The following FAM107B variants were observed in gnomAD, a reference collection of about 807,000 sequenced individuals.
FAM107B encodes the protein protein FAM107B.
In FAM107B, 21 loss-of-function variants were observed where a neutral mutation model predicts 31.5. That is an observed-to-expected ratio of 0.67 (90% confidence interval 0.47 to 0.96). The LOEUF is 0.96. Among genes scored for constraint, FAM107B ranks in the 40% least tolerant of loss-of-function variants. The probability of loss-of-function intolerance (pLI) is 0.00; values close to 1 mark genes in which losing one functional copy is unlikely to be tolerated. For missense variants in FAM107B, 452 were observed against 377.1 expected (o/e 1.20, Z -1.64); for synonymous variants, 157 against 141.5 (o/e 1.11, Z -0.78).
intron 2 of FAM107B, among the ~76,000 whole-genome samples, chr10:14,649,700 T>C (rs1853852021): frequency 6.6e-6 from 1 of 152,214 alleles, no homozygotes; most frequent in African/African-American, 2.4e-5. Flanking sequence ...TGTATTAATT[T>C]ATGTCTTATG....
In FAM107B at chr10:14,577,814, T is replaced by C. The variant is rs371333364; in HGVS notation, c.470-47299A>G. Among the ~76,000 whole-genome samples the C allele has an allele frequency of 6.6e-5, 10 of 152,330 alleles. No homozygotes were observed. The East Asian group carries it at 1.7e-3, about 26-fold the overall frequency. On this transcript the variant is annotated intron_variant, in intron 2 of 4. Transcript: ENST00000181796. ...CAAAAGTATTTACTTATAATCTAGT[T>C]TTCTGTGCATTCTCTAATACTGAAG...
intron 1 of FAM107B, among the ~76,000 whole-genome samples, chr10:14,691,893 C>CAAAAAAA (rs58734762): frequency 1.4e-4 from 18 of 129,198 alleles, no homozygotes; most frequent in African/African-American, 4.5e-4. Context: ...GACTCTGTCA[C>CAAAAAAA]AAAAAAAAAA....
intron 1 of FAM107B, among the ~76,000 whole-genome samples, chr10:14,742,992 T>C (rs1442396769): frequency 1.3e-5 from 2 of 152,152 alleles, no homozygotes; most frequent in Non-Finnish European, 2.9e-5. Flanking sequence ...CTCTTTGAGT[T>C]CTCTCTTCTG....
At chr10:14,769,993 A>T (rs1283235572) in intron 1 of FAM107B, among the ~76,000 whole-genome samples, 1 of 152,158 alleles carries the variant, frequency 6.6e-6, no homozygotes, top group East Asian at 1.9e-4. Context: ...AAGCCCCTGT[A>T]TTCTAGTCTT....
At chr10:14,558,174 C>T (rs1849864236) in intron 2 of FAM107B, among the ~76,000 whole-genome samples, 1 of 144,814 alleles carries the variant, frequency 6.9e-6, no homozygotes, top group Non-Finnish European at 1.5e-5. Flanking sequence ...CCTGCCTCCC[C>T]ACCAGTGTGT....
chr10:14,691,173 T>A (rs1055108253), intron 1 of FAM107B, among the ~76,000 whole-genome samples: 1 of 152,102 alleles, frequency 6.6e-6, no homozygotes, highest in African/African-American at 2.4e-5. Flanking sequence ...AGTGCTGGGA[T>A]TACAGGCATG....
intron 2 of FAM107B, among the ~76,000 whole-genome samples, chr10:14,661,902 G>A (rs962345719): frequency 2.0e-5 from 3 of 152,184 alleles, no homozygotes; most frequent in African/African-American, 7.2e-5. Flanking sequence ...CTGACATGCA[G>A]TTCTCTCTGT....
Position 14,520,698 on chromosome 10 carries a change from A to G in FAM107B, c.*492T>C, listed in dbSNP as rs1037082307. ...GTGAAAGTATAAATTAAACAAGACA[A>G]TTCTGGGTCCTCAAAATTTACAGTG... is the stretch of plus-strand genomic sequence containing the variant. On this transcript the variant is annotated 3_prime_UTR_variant, in exon 5 of 5. Coordinates refer to ENST00000181796, the MANE Select transcript of FAM107B (RefSeq NM_031453.4). The G allele has an allele frequency of 2.0e-5, 3 of 152,512 alleles. No homozygotes were observed. Among genetic ancestry groups the G allele is most frequent in the African/African-American group, 7.2e-5 (3 of 41,480 alleles). The allele number at this position is 152,512 out of a possible 1,614,324, so 9.4% of individuals were successfully genotyped here. A position where few individuals can be genotyped will look rare whatever the true frequency, so the allele number is the denominator to read the frequency against.
chr10:14,629,446 T>TA (rs1853283812), intron 2 of FAM107B, among the ~76,000 whole-genome samples: 4 of 27,146 alleles, frequency 1.5e-4, no homozygotes, highest in African/African-American at 8.0e-4. Context: ...TATATATATA[T>TA]TATATATATA....
At chr10:14,652,284 A>G (rs1007559852) in intron 2 of FAM107B, among the ~76,000 whole-genome samples, 21 of 152,240 alleles carry the variant, frequency 1.4e-4, no homozygotes, top group African/African-American at 4.1e-4. Flanking sequence ...CAGGAGGGTT[A>G]GGCTTTCTAA....
intron 1 of FAM107B, among the ~76,000 whole-genome samples, chr10:14,689,742 T>C (rs1855081919): frequency 6.6e-6 from 1 of 152,034 alleles, no homozygotes; most frequent in African/African-American, 2.4e-5. Context: ...AGGAGGATCA[T>C]GTAAGCCCAG....
At chr10:14,526,139 T>C (rs1196009874) in intron 3 of FAM107B, among the ~76,000 whole-genome samples, 1 of 152,220 alleles carries the variant, frequency 6.6e-6, no homozygotes, top group Non-Finnish European at 1.5e-5. Context: ...TTATTTTTCT[T>C]AGGGTACAGG....
chr10:14,586,124 G>C (rs946127056), intron 2 of FAM107B, among the ~76,000 whole-genome samples: 1 of 152,042 alleles, frequency 6.6e-6, no homozygotes, highest in African/African-American at 2.4e-5. Context: ...TCAACTCCTG[G>C]TTACTGGTGA....
At position 14,603,936 on chromosome 10, in the gene FAM107B, G is replaced by A. The variant is rs1293416547; in HGVS notation, c.469+63698C>T. ...CCGGGTAGGGCTCCCCCGCGGCAGC[G>A]CCGAGAAGGCAACAATGAGCCGGGC... On this transcript the variant is annotated intron_variant, in intron 2 of 4. Coordinates refer to ENST00000181796, the MANE Select transcript of FAM107B (RefSeq NM_031453.4). 1.1e-4 allele frequency among the ~76,000 whole-genome samples: 16 copies of A among 150,138 alleles called. No individual in the cohort carries two copies. The East Asian group carries it at 3.1e-3, about 29-fold the overall frequency.
chr10:14,667,702 G>A lies in FAM107B; in HGVS notation c.412-11C>T. Reference sequence around the variant, plus strand: ...TCGAAATTCTTCTTCCTAAGCGCCAGCCCCATAAACCAGAAAAGCAGGGAG... The same window carrying A: ...TCGAAATTCTTCTTCCTAAGCGCCAACCCCATAAACCAGAAAAGCAGGGAG... On this transcript the variant is annotated splice_polypyrimidine_tract_variant and intron_variant, in intron 1 of 4. Transcript: ENST00000181796. The A allele has an allele frequency of 6.2e-7, 1 of 1,614,006 alleles. No homozygotes were observed. Among genetic ancestry groups the A allele is most frequent in the Non-Finnish European group, 8.5e-7 (1 of 1,179,964 alleles).
chr10:14,774,465 G>T lies in FAM107B; in HGVS notation c.199C>A (p.Pro67Thr). The T allele has an allele frequency of 6.2e-7, 1 of 1,614,148 alleles. No individual in the cohort carries two copies. The highest frequency in any genetic ancestry group is 2.2e-5 in the East Asian group (1 of 44,872). ...TTCTCTGGAGCTCCTTCTGCGCTTG[G>T]GTGTCTTGGCTGTCTGCCTGCTTTG... ...VAKAGRQPRH[P>T]SAEGAPEKRQ... is the part of the protein sequence containing the mutation. Residue 67 changes from proline (P) to threonine (T), a missense_variant, in exon 1 of 5, where the codon CCA becomes ACA. Pro to Thr is a conservative substitution (Grantham distance 38). Transcript: ENST00000181796.
At chr10:14,700,592 C>A (rs1227053171) in intron 1 of FAM107B, among the ~76,000 whole-genome samples, 1 of 151,998 alleles carries the variant, frequency 6.6e-6, no homozygotes, top group Non-Finnish European at 1.5e-5. Context: ...TCTGAAAGCC[C>A]AGCCTGTGCC....
At chr10:14,605,981 T>G (rs1002225983) in intron 2 of FAM107B, among the ~76,000 whole-genome samples, 2 of 152,210 alleles carry the variant, frequency 1.3e-5, no homozygotes, top group Admixed American at 1.3e-4. Context: ...CCCCAGCCTC[T>G]GGTCTAACAC....
chr10:14,629,891 A>C, intron 2 of FAM107B, among the ~76,000 whole-genome samples: 1 of 152,296 alleles, frequency 6.6e-6, no homozygotes, highest in East Asian at 1.9e-4. Context: ...CATGATTTTT[A>C]CATTTACTTT....
Sources: allele counts gnomAD v4.1 joint callset (sites outside exome capture counted in the v4.1 genomes callset), GRCh38; gene constraint gnomAD v4.1.1; transcripts MANE v1.5; gene names NCBI Gene and HGNC (gene_info 2026-07-23, HGNC 2026-07-21).